METTL22: variants seen among roughly 807,000 people sequenced by gnomAD.
METTL22 encodes the protein methyltransferase-like protein 22.
METTL22 carries 51 observed loss-of-function variants against 48.4 expected under a neutral mutation model. The ratio of observed to expected loss-of-function variants is 1.05; its 90% confidence interval spans 0.84 to 1.33. The LOEUF is 1.33. Among genes scored for constraint, METTL22 ranks in the 40% most tolerant of loss-of-function variants. The probability of loss-of-function intolerance (pLI) is 0.00; values close to 1 mark genes in which losing one functional copy is unlikely to be tolerated. For missense variants in METTL22, 678 were observed against 526.9 expected (o/e 1.29, Z -2.81); for synonymous variants, 255 against 214.1 (o/e 1.19, Z -1.67).
At chr16:8,640,977 G>GCTGTCTGGCTGT (rs1291490158) in intron 6 of METTL22, among the ~76,000 whole-genome samples, 154 bp from the exon 7 acceptor site, 1 of 136,074 alleles carries the variant, frequency 7.3e-6, no homozygotes, top group Non-Finnish European at 1.6e-5. Context: ...TGGCTGGCTG[G>GCTGTCTGGCTGT]CTGGCTGTAA....
rs1264742082 is a variant in METTL22, at chr16:8,621,718, C to T, written c.-228C>T. Reference sequence around the variant, plus strand: ...TGCGCAGACCGCCTGTTATGGCGGCCGCCTAAGTCCCACAGAGACGGGAGT... The same window carrying T: ...TGCGCAGACCGCCTGTTATGGCGGCTGCCTAAGTCCCACAGAGACGGGAGT... On this transcript the variant is annotated 5_prime_UTR_variant, in exon 1 of 11. Transcript: ENST00000381920. 6.6e-6 allele frequency: 1 copy of T among 152,238 alleles called. No homozygotes were observed. Among genetic ancestry groups the T allele is most frequent in the Non-Finnish European group, 1.5e-5 (1 of 68,060 alleles). The allele number at this position is 152,238 out of a possible 1,614,324, so 9.4% of individuals were successfully genotyped here.
At chr16:8,626,247 T>C (rs1435129714) in intron 2 of METTL22, among the ~76,000 whole-genome samples, 2 of 152,126 alleles carry the variant, frequency 1.3e-5, no homozygotes, top group Non-Finnish European at 2.9e-5. Context: ...CCTTAGCCTC[T>C]TGAGTCCCTG....
the METTL22 span, chr16:8,666,896 C>A: frequency 6.6e-6 from 1 of 151,944 alleles, no homozygotes; most frequent in East Asian, 1.9e-4. Flanking sequence ...AAATGATTCT[C>A]CTGCCTCAGC....
At chr16:8,662,617 G>A in the METTL22 span, among the ~76,000 whole-genome samples, 1 of 144,006 alleles carries the variant, frequency 6.9e-6, no homozygotes, top group African/African-American at 2.6e-5. Context: ...CAGCTTCAGA[G>A]CTCACCAAGA....
chr16:8,660,786 A>T, the METTL22 span, among the ~76,000 whole-genome samples: 49,898 of 65,854 alleles, frequency 0.76, 17,124 homozygotes, highest in East Asian at 0.93. Flanking sequence ...GTCTTGGAGG[A>T]GGAGGAGGAG....
chr16:8,623,483 C>G lies in METTL22; in HGVS notation c.-171+1708C>G, dbSNP rs1042482850. ...TCTCTAAGTCCTGAGAGAGCTTGAT[C>G]TGCCTTTGAAATGAGTGGTAGGTAT... On this transcript the variant is annotated intron_variant, in intron 1 of 10. Transcript: ENST00000381920. The G allele has an allele frequency of 5.3e-5, 8 of 152,202 alleles. 1 individual carries two copies. The highest frequency in any genetic ancestry group is 3.9e-4 in the Admixed American group (6 of 15,278). 9.4% of individuals were successfully genotyped at this position (152,202 alleles called of 1,614,324 possible). A position where few individuals can be genotyped will look rare whatever the true frequency, so the allele number is the denominator to read the frequency against.
At chr16:8,641,214 A>G (rs1298361070) in intron 7 of METTL22, 30 bp downstream of exon 7, 4 of 1,611,550 alleles carry the variant, frequency 2.5e-6, no homozygotes, top group East Asian at 4.5e-5. Flanking sequence ...GTCCCCCAGT[A>G]TGATTCAGTG....
At chr16:8,639,911 C>T (rs1266694445) in intron 6 of METTL22, among the ~76,000 whole-genome samples, 1 of 152,082 alleles carries the variant, frequency 6.6e-6, no homozygotes, top group South Asian at 2.1e-4. Flanking sequence ...GCCGACCTCA[C>T]CGTCTTTCAA....
intron 6 of METTL22, 72 bp from the exon 7 acceptor site, chr16:8,641,059 G>A: frequency 7.1e-7 from 1 of 1,405,174 alleles, no homozygotes; most frequent in Non-Finnish European, 1.0e-6. Context: ...TTCATATATA[G>A]TGTAAAAGTT....
intron 2 of METTL22, among the ~76,000 whole-genome samples, chr16:8,626,761 CTT>C (rs34726811): frequency 3.3e-3 from 173 of 52,528 alleles, no homozygotes; most frequent in African/African-American, 8.6e-3. Context: ...GTCCTCTACT[CTT>C]TTTTTTTTTT....
At chr16:8,649,715 A>G (rs1027094615), downstream of METTL22, 46 of 151,742 alleles carry the variant, frequency 3.0e-4, no homozygotes, top group African/African-American at 1.1e-3. Flanking sequence ...GAGGCAGGAG[A>G]ATCTCTACAA....
At position 8,647,012 on chromosome 16, in the gene METTL22, C is replaced by CT; in HGVS notation, c.*870dup. The CT allele has an allele frequency of 3.2e-6, 1 of 316,060 alleles. No individual in the cohort carries two copies. The highest frequency in any genetic ancestry group is 6.2e-6 in the Non-Finnish European group (1 of 160,476). The allele number at this position is 316,060 out of a possible 1,614,324, so 19.6% of individuals were successfully genotyped here. A position where few individuals can be genotyped will look rare whatever the true frequency, so the allele number is the denominator to read the frequency against. On this transcript the variant is annotated 3_prime_UTR_variant, in exon 11 of 11. Transcript: ENST00000381920. ...ATCTTCCTGCTACCCTTGGCCCTCCCTGCAGCCCCTTTCCCCTGCCTTGCT... is the reference window on the plus strand; with the variant it reads ...ATCTTCCTGCTACCCTTGGCCCTCCCTTGCAGCCCCTTTCCCCTGCCTTGCT...
chr16:8,660,433 C>T, the METTL22 span, among the ~76,000 whole-genome samples: 428 of 152,200 alleles, frequency 2.8e-3, 16 homozygotes, highest in Admixed American at 0.028. Context: ...CCTGCTTCGG[C>T]CTCCCAAAGT....
At chr16:8,665,737 G>C in the METTL22 span, among the ~76,000 whole-genome samples, 2 of 152,184 alleles carry the variant, frequency 1.3e-5, no homozygotes, top group Admixed American at 1.3e-4. Flanking sequence ...GGCACCAGAA[G>C]ACCAATCGGG....
At chr16:8,657,643 G>A in the METTL22 span, among the ~76,000 whole-genome samples, 1 of 152,088 alleles carries the variant, frequency 6.6e-6, no homozygotes, top group Non-Finnish European at 1.5e-5. Context: ...GTTGAATGGT[G>A]GCCCTAAACA....
chr16:8,646,025 T>C, intron 10 of METTL22, 83 bp from the exon 11 acceptor site: 1 of 1,599,010 alleles, frequency 6.3e-7, no homozygotes, highest in Non-Finnish European at 8.5e-7. Flanking sequence ...ACTACTCTCC[T>C]TGGTGAATCA....
downstream of METTL22, among the ~76,000 whole-genome samples, chr16:8,652,768 A>T (rs967590135): frequency 2.0e-5 from 3 of 152,094 alleles, no homozygotes; most frequent in African/African-American, 7.2e-5. Context: ...AGTGACTGTG[A>T]TGGAAATATC....
chr16:8,663,235 G>A, the METTL22 span, among the ~76,000 whole-genome samples: 3 of 142,196 alleles, frequency 2.1e-5, no homozygotes, highest in South Asian at 6.9e-4. Context: ...AGGTAGCCAA[G>A]CCATCATCAT....
At chr16:8,660,923 G>A in the METTL22 span, among the ~76,000 whole-genome samples, 1 of 150,002 alleles carries the variant, frequency 6.7e-6, no homozygotes, top group East Asian at 2.0e-4. Flanking sequence ...CTGAGTGGGT[G>A]AGCGGATGAG....
Sources: gnomAD v4.1 joint callset for allele counts (sites outside exome capture counted in the v4.1 genomes callset) on GRCh38, gnomAD v4.1.1 for gene constraint, MANE v1.5 for transcripts, NCBI Gene and HGNC (gene_info 2026-07-23, HGNC 2026-07-21) for gene names.